ABCB5: variants seen among roughly 807,000 people sequenced by gnomAD.
ABCB5 encodes ATP-binding cassette sub-family B member 5.
ABCB5 carries 155 observed loss-of-function variants against 144.2 expected under a neutral mutation model. That is an observed-to-expected ratio of 1.08 (90% CI 0.94 to 1.23). ABCB5 has a LOEUF of 1.23. ABCB5 is among the 50% of genes most tolerant of loss of function. The pLI is 0.00. For missense variants in ABCB5, 1,830 were observed against 1,520.8 expected, an observed-to-expected ratio of 1.20 and a Z score of -3.38; for synonymous variants, 610 against 528.6, an observed-to-expected ratio of 1.15 and a Z score of -2.11.
intron 20 of ABCB5, among the ~76,000 whole-genome samples, chr7:20,706,175 C>G (rs997490401): frequency 2.0e-5 from 3 of 152,144 alleles, no homozygotes; most frequent in African/African-American, 7.2e-5. Context: ...ATATAATTAT[C>G]TGATTAACTT....
chr7:20,676,519 T>C lies in ABCB5; in HGVS notation c.1708-4986T>C, dbSNP rs368653497. On this transcript the variant is annotated intron_variant, in intron 14 of 27. Coordinates refer to ENST00000404938, the MANE Select transcript of ABCB5 (RefSeq NM_001163941.2). Reference sequence around the variant, plus strand: ...AGAAGGACAAATACTGCATGATTTCTCTTAAATGAGGTGTCTAAAACAGTC... The same window carrying C: ...AGAAGGACAAATACTGCATGATTTCCCTTAAATGAGGTGTCTAAAACAGTC... Among the ~76,000 whole-genome samples, 5 of 152,316 alleles carry C rather than the reference T, an allele frequency of 3.3e-5. No individual in the cohort carries two copies. The East Asian group carries it at 7.7e-4, about 24-fold the overall frequency.
At chr7:20,725,069 T>C (rs925354056) in intron 21 of ABCB5, among the ~76,000 whole-genome samples, 87 of 152,228 alleles carry the variant, frequency 5.7e-4, no homozygotes, top group African/African-American at 2.1e-3. Context: ...GCTTTTGCTG[T>C]ATATGTGCCC....
At chr7:20,667,329 G>A (rs1047712739) in intron 14 of ABCB5, 1 of 984,740 alleles carries the variant, frequency 1.0e-6, no homozygotes, top group Non-Finnish European at 1.2e-6. Flanking sequence ...TAAAACACCT[G>A]TGAAGTGAAT....
At chr7:20,645,110 G>C (rs186636456) in intron 7 of ABCB5, among the ~76,000 whole-genome samples, 92 of 152,288 alleles carry the variant, frequency 6.0e-4, no homozygotes, top group African/African-American at 2.1e-3. Flanking sequence ...TCCAGTGAAG[G>C]TCAGAGTTAT....
chr7:20,656,334 C>T (rs1298142746), intron 13 of ABCB5, among the ~76,000 whole-genome samples: 1 of 151,970 alleles, frequency 6.6e-6, no homozygotes, highest in South Asian at 2.1e-4. Flanking sequence ...AAAGGCAAGA[C>T]AGAGAGCACA....
At chr7:20,672,838 A>G (rs1211298753) in intron 14 of ABCB5, among the ~76,000 whole-genome samples, 1 of 152,090 alleles carries the variant, frequency 6.6e-6, no homozygotes, top group Admixed American at 6.5e-5. Context: ...AGTTGTTCAT[A>G]TATGTGTGAG....
chr7:20,691,686 A>G (rs1269952264), intron 16 of ABCB5, among the ~76,000 whole-genome samples: 1 of 151,960 alleles, frequency 6.6e-6, no homozygotes, highest in African/African-American at 2.4e-5. Context: ...GTTAAGAAAG[A>G]TATTGCCTCA....
chr7:20,634,957 T>A (rs1282718339), intron 5 of ABCB5, among the ~76,000 whole-genome samples: 1 of 152,166 alleles, frequency 6.6e-6, no homozygotes, highest in African/African-American at 2.4e-5. Context: ...TTTTGAAGTC[T>A]TAGTCATGAA....
At chr7:20,732,408 A>C (rs1463026660) in intron 23 of ABCB5, among the ~76,000 whole-genome samples, 2 of 152,182 alleles carry the variant, frequency 1.3e-5, no homozygotes, top group African/African-American at 2.4e-5. Flanking sequence ...TTGTGTTTCC[A>C]TATTTATGAG....
intron 5 of ABCB5, among the ~76,000 whole-genome samples, chr7:20,639,346 T>C (rs1583384843): frequency 6.6e-6 from 1 of 152,202 alleles, no homozygotes; most frequent in South Asian, 2.1e-4. Flanking sequence ...GACAAAGTTT[T>C]TAACTTCGGT....
At chr7:20,706,603 A>G (rs889165951) in intron 20 of ABCB5, among the ~76,000 whole-genome samples, 5 of 152,234 alleles carry the variant, frequency 3.3e-5, no homozygotes, top group Non-Finnish European at 1.5e-5. Flanking sequence ...TGGTCTCACA[A>G]TAACTTCTAG....
At chr7:20,666,919 G>GCCAAA in intron 14 of ABCB5, 1 of 1,268,778 alleles carries the variant, frequency 7.9e-7, no homozygotes, top group East Asian at 2.9e-5. Context: ...TTTTTTAGCA[G>GCCAAA]GCTTTGGCTG....
chr7:20,704,299 C>T (rs1222316201), intron 19 of ABCB5, among the ~76,000 whole-genome samples: 1 of 151,868 alleles, frequency 6.6e-6, no homozygotes, highest in Non-Finnish European at 1.5e-5. Flanking sequence ...CTGGTCTCGA[C>T]CCCCTAGACT....
At chr7:20,749,051 C>CCTTT (rs1451443924) in intron 26 of ABCB5, among the ~76,000 whole-genome samples, 2 of 152,030 alleles carry the variant, frequency 1.3e-5, no homozygotes, top group East Asian at 3.9e-4. Flanking sequence ...TTTGTCTCTC[C>CCTTT]CTTTCTTTCT....
intron 12 of ABCB5, 94 bp from the exon 13 acceptor site, chr7:20,651,326 C>G: frequency 9.2e-7 from 1 of 1,084,258 alleles, no homozygotes; most frequent in Non-Finnish European, 1.4e-6. Context: ...CTAAAATATG[C>G]TACTTCTCAG....
At chr7:20,681,385 C>A in intron 14 of ABCB5, 120 bp from the exon 15 acceptor site, 1 of 1,166,202 alleles carries the variant, frequency 8.6e-7, no homozygotes, top group Non-Finnish European at 1.2e-6. Flanking sequence ...CCTCGGCCTC[C>A]CAAAGTGCTG....
At chr7:20,667,548 A>G (rs1785239600) in intron 14 of ABCB5, 2 of 975,832 alleles carry the variant, frequency 2.0e-6, no homozygotes, top group Non-Finnish European at 2.4e-6. Context: ...ATTAAATTCC[A>G]TACACATTAA....
rs1784442142 is a variant in ABCB5 at position 20,647,546 on chromosome 7, T to G, written c.993T>G (p.Ser331Arg). Residue 331 changes from serine (S) to arginine (R), a missense_variant, in exon 10 of 28, where the codon AGT (serine) becomes AGG (arginine). Transcript: ENST00000404938. Reference sequence around the variant, plus strand: ...GTTTGTTCCTGTAGGTTTTCTTTAGTGTAATCCATAGCAGTTATTGCATTG... The same window carrying G: ...GTTTGTTCCTGTAGGTTTTCTTTAGGGTAATCCATAGCAGTTATTGCATTG... ...TIGTVLAVFF[S>R]VIHSSYCIGA... is the part of the protein sequence containing the mutation. 1 of 1,574,164 alleles carries G rather than the reference T, an allele frequency of 6.4e-7. No homozygotes were observed.
intron 20 of ABCB5, among the ~76,000 whole-genome samples, chr7:20,712,893 T>A (rs1021140423): frequency 4.7e-5 from 7 of 149,884 alleles, no homozygotes; most frequent in Admixed American, 2.7e-4. Flanking sequence ...ACATACTTAT[T>A]TTTTGTGTGG....
Sources: allele counts gnomAD v4.1 joint callset (sites outside exome capture counted in the v4.1 genomes callset), GRCh38; gene constraint gnomAD v4.1.1; transcripts MANE v1.5; gene names NCBI Gene and HGNC (gene_info 2026-07-23, HGNC 2026-07-21).